Variants in FBXL18 observed in about 807,000 individuals in gnomAD.
FBXL18 encodes the protein F-box/LRR-repeat protein 18.
In FBXL18, 36 loss-of-function variants were observed where a neutral mutation model predicts 46.0. The observed-to-expected ratio is 0.78, with a 90% CI of 0.60 to 1.03. The LOEUF (loss-of-function observed/expected upper bound fraction) is 1.03, where lower values mean the gene tolerates loss of function less well. FBXL18 is among the 50% of genes least tolerant of loss of function. The pLI is 0.00. For missense variants in FBXL18, 977 were observed against 1,004.1 expected, an observed-to-expected ratio of 0.97 and a Z score of 0.36; for synonymous variants, 557 against 465.3, an observed-to-expected ratio of 1.20 and a Z score of -2.54.
intron 4 of FBXL18, among the ~76,000 whole-genome samples, chr7:5,458,700 A>C (rs1473027210): frequency 1.4e-5 from 2 of 147,492 alleles, no homozygotes; most frequent in African/African-American, 5.0e-5. Flanking sequence ...CCGTCCCCCA[A>C]AAAAAAAAAA....
chr7:5,466,346 C>A (rs1215140549), intron 4 of FBXL18, among the ~76,000 whole-genome samples: 1 of 152,122 alleles, frequency 6.6e-6, no homozygotes, highest in African/African-American at 2.4e-5. Context: ...AAGTGCAGGC[C>A]GTGCTCCTCC....
Position 5,481,303 on chromosome 7 carries a change from G to C in FBXL18, c.*472C>G, listed in dbSNP as rs369591063. On this transcript the variant is annotated 3_prime_UTR_variant, in exon 5 of 5. Coordinates refer to ENST00000382368, the MANE Select transcript of FBXL18 (RefSeq NM_024963.6). ...CATGCAAGGGGACACTCAGATACAC[G>C]GTGACCAGCCCGGCCGACTGGACTT... The C allele has an allele frequency of 2.8e-3, 477 of 171,996 alleles. 2 individuals are homozygous for C. Among genetic ancestry groups the C allele is most frequent in the African/African-American group, 0.011 (453 of 41,666 alleles). The allele number at this position is 171,996 out of a possible 1,614,324, so 10.7% of individuals were successfully genotyped here.
intron 2 of FBXL18, among the ~76,000 whole-genome samples, chr7:5,505,043 G>A (rs1207427846): frequency 6.7e-6 from 1 of 150,350 alleles, no homozygotes; most frequent in Non-Finnish European, 1.5e-5. Context: ...GGTGCAAAAT[G>A]GTGCCCTCCC....
chr7:5,481,921 C>G lies in FBXL18; in HGVS notation c.2011G>C (p.Glu671Gln). ...QQSLLRSFQAERPALNVVIFP... is the reference protein window; with the variant it reads ...QQSLLRSFQAQRPALNVVIFP... ...ATGACGACGTTTAACGCGGGCCGCTCGGCCTGGAAGCTGAACCAGAGACAG... is the reference window on the plus strand; with the variant it reads ...ATGACGACGTTTAACGCGGGCCGCTGGGCCTGGAAGCTGAACCAGAGACAG... The change falls in exon 5 of 5, where the codon GAG becomes CAG. Residue 671 changes from glutamate to glutamine, a missense_variant. Glu to Gln is a conservative substitution (Grantham distance 29). Coordinates refer to ENST00000382368, the MANE Select transcript of FBXL18 (RefSeq NM_024963.6). The G allele has an allele frequency of 6.2e-7, 1 of 1,605,892 alleles. No homozygotes were observed. The highest frequency in any genetic ancestry group is 2.2e-5 in the East Asian group (1 of 44,758).
rs530317475 is a variant in FBXL18 at position 5,486,898 on chromosome 7, C to T, written c.2000+4333G>A. On this transcript the variant is annotated intron_variant, in intron 4 of 4. Transcript: ENST00000382368. ...GGGTGAGCCGCACAACAGCCCGGGG[C>T]CAGGTCCTCCCTCTGGCTCCATAAA... Among the ~76,000 whole-genome samples, 14 of 152,320 alleles carry T rather than the reference C, an allele frequency of 9.2e-5. No homozygotes were observed. The South Asian group carries it at 2.9e-3, about 32-fold the overall frequency.
rs753814477 is a variant in FBXL18, at chr7:5,500,574, C to A, written c.1695G>T (p.Leu565=). Residue 565 remains leucine (L), a synonymous_variant, in exon 3 of 5, where the codon CTG becomes CTT. Transcript: ENST00000382368. The stretch of plus-strand genomic sequence containing the variant: ...CCTTCCCCATCATGCCCAGGTTGGC[C>A]AGCGACAGGGACCGCAACTGCTGGC... The part of the protein sequence containing the change: ...LQCQQLRSLS[L]ANLGMMGKVV... 23 of 1,613,572 alleles carry A rather than the reference C, an allele frequency of 1.4e-5. No individual in the cohort carries two copies. Among genetic ancestry groups the A allele is most frequent in the Non-Finnish European group, 1.9e-5 (23 of 1,179,900 alleles).
At chr7:5,459,713 C>G (rs1387350190) in intron 4 of FBXL18, among the ~76,000 whole-genome samples, 2 of 149,718 alleles carry the variant, frequency 1.3e-5, no homozygotes, top group Non-Finnish European at 3.0e-5. Flanking sequence ...GCACTCCAGC[C>G]TGGGCAACAG....
rs1322345253 is a variant in FBXL18 at position 5,501,926 on chromosome 7, C to T, written c.343G>A (p.Val115Met). 3 of 1,603,350 alleles carry T rather than the reference C, an allele frequency of 1.9e-6. No individual in the cohort carries two copies. Among genetic ancestry groups the T allele is most frequent in the South Asian group, 1.1e-5 (1 of 89,126 alleles). The change falls in exon 3 of 5, where the codon GTG (valine) becomes ATG (methionine). Residue 115 changes from valine (V) to methionine (M), a missense_variant. By Grantham distance (21) the Val-to-Met change is conservative. Coordinates refer to ENST00000382368, the MANE Select transcript of FBXL18 (RefSeq NM_024963.6). ...TTCACCAGGCTGCGGCAGCGGGCCA[C>T]GTGTTCCACGGTGGAGCCAGGCAGC... is the stretch of plus-strand genomic sequence containing the variant. ...YWLPGSTVEHVARCRSLVKVN... is the reference protein window; with the variant it reads ...YWLPGSTVEHMARCRSLVKVN...
rs1402780436 is a variant in FBXL18 at position 5,500,863 on chromosome 7, G to A, written c.1406C>T (p.Pro469Leu). Residue 469 changes from proline to leucine, a missense_variant, in exon 3 of 5, where the codon CCC (proline) becomes CTC (leucine). Pro to Leu is a moderately conservative substitution (Grantham distance 98). Coordinates refer to ENST00000382368, the MANE Select transcript of FBXL18 (RefSeq NM_024963.6). ...AGACCAGAACACGGAGGAGGGCTGG[G>A]GGCACGCCTGGCCCGAGAAGGGGCT... ...CPSPFSGQACPQPSSVFWSLL... is the reference protein window; with the variant it reads ...CPSPFSGQACLQPSSVFWSLL... 6.2e-7 allele frequency: 1 copy of A among 1,603,576 alleles called. No individual in the cohort carries two copies. Among genetic ancestry groups the A allele is most frequent in the East Asian group, 2.2e-5 (1 of 44,674 alleles).
chr7:5,472,283 AG>A (rs1350023611), downstream of FBXL18, among the ~76,000 whole-genome samples: 3 of 152,068 alleles, frequency 2.0e-5, no homozygotes, highest in Admixed American at 6.6e-5. Context: ...CCACCCCAAG[AG>A]GTCTTCTGCA....
At chr7:5,492,952 C>T (rs1055037190) in intron 3 of FBXL18, among the ~76,000 whole-genome samples, 7 of 152,154 alleles carry the variant, frequency 4.6e-5, no homozygotes, top group African/African-American at 1.7e-4. Context: ...ATTGTCCTGG[C>T]AGCCCCAGGA....
chr7:5,509,397 TA>T (rs1784472256), intron 1 of FBXL18, among the ~76,000 whole-genome samples: 1 of 151,926 alleles, frequency 6.6e-6, no homozygotes, highest in African/African-American at 2.4e-5. Flanking sequence ...GTGCTCCAAA[TA>T]AAACAGAAAT....
intron 4 of FBXL18, among the ~76,000 whole-genome samples, chr7:5,487,441 G>GAC (rs2128234991): frequency 6.6e-6 from 1 of 152,300 alleles, no homozygotes; most frequent in East Asian, 1.9e-4. Context: ...AGAAGATCCT[G>GAC]ACACAGCCTG....
chr7:5,505,440 T>A lies in FBXL18; in HGVS notation c.209A>T (p.His70Leu). The change falls in exon 2 of 5, where the codon CAC (histidine) becomes CTC (leucine). Residue 70 changes from histidine to leucine, a missense_variant. Physicochemically the swap from His to Leu is moderately conservative, Grantham distance 99 (BLOSUM62 -3). Transcript: ENST00000382368. Reference sequence around the variant, plus strand: ...ATAGTCCTTTTGCAGCAACACGGTGTGGATGAGGCTCTTGTCAAGGCACAG... The same window carrying A: ...ATAGTCCTTTTGCAGCAACACGGTGAGGATGAGGCTCTTGTCAAGGCACAG... Reference protein sequence around the residue: ...AALCLDKSLIHTVLLQKDYQA... With the variant: ...AALCLDKSLILTVLLQKDYQA... 6.2e-7 allele frequency: 1 copy of A among 1,614,146 alleles called. No homozygotes were observed. Among genetic ancestry groups the A allele is most frequent in the African/African-American group, 1.3e-5 (1 of 75,042 alleles).
Position 5,501,683 on chromosome 7 carries a change from T to G in FBXL18, c.586A>C (p.Lys196Gln). The change falls in exon 3 of 5, where the codon AAG becomes CAG. Residue 196 changes from lysine (K) to glutamine (Q), a missense_variant. Lys to Gln is a moderately conservative substitution (Grantham distance 53). Transcript: ENST00000382368. ...GVVPCCTSLE[K>Q]LLLYFEILDR... The stretch of plus-strand genomic sequence containing the variant: ...AGAATCTCGAAGTAGAGCAGCAGCT[T>G]CTCTAGGCTGGTGCAGCAGGGCACC... 2 of 1,606,814 alleles carry G rather than the reference T, an allele frequency of 1.2e-6. No homozygotes were observed. The highest frequency in any genetic ancestry group is 1.7e-6 in the Non-Finnish European group (2 of 1,176,160).
Position 5,476,259 on chromosome 7 carries a change from G to T in FBXL18, c.*5516C>A. The T allele has an allele frequency of 6.6e-6, 1 of 150,518 alleles. No homozygotes were observed. The highest frequency in any genetic ancestry group is 6.6e-5 in the Admixed American group (1 of 15,252). The allele number at this position is 150,518 out of a possible 1,614,324, so 9.3% of individuals were successfully genotyped here. A position where few individuals can be genotyped will look rare whatever the true frequency, so the allele number is the denominator to read the frequency against. The stretch of plus-strand genomic sequence containing the variant: ...CACTCCCCACCCTCCCTCCACCCCA[G>T]ACACATCAGCACAGCGGTCCAGGCT... On this transcript the variant is annotated 3_prime_UTR_variant, in exon 5 of 5. Coordinates refer to ENST00000382368, the MANE Select transcript of FBXL18 (RefSeq NM_024963.6).
rs948633507 is a variant in FBXL18 at position 5,478,563 on chromosome 7, G to A, written c.*3212C>T. ...AGGTGTGGGGTGAGCTGGGAGCACA[G>A]GCAGGAGGGGGCAGCCAGAGAGGTT... On this transcript the variant is annotated 3_prime_UTR_variant, in exon 5 of 5. Coordinates refer to ENST00000382368, the MANE Select transcript of FBXL18 (RefSeq NM_024963.6). 3 of 152,444 alleles carry A rather than the reference G, an allele frequency of 2.0e-5. No homozygotes were observed. The allele number at this position is 152,444 out of a possible 1,614,324, so 9.4% of individuals were successfully genotyped here.
chr7:5,513,778 AC>A lies in FBXL18; in HGVS notation c.-105del. On this transcript the variant is annotated 5_prime_UTR_variant, in exon 1 of 5. Coordinates refer to ENST00000382368, the MANE Select transcript of FBXL18 (RefSeq NM_024963.6). ...CCGGCGCGTCCACCGCTCAACCGAG[AC>A]CCCGGCAAGGAGCGGGCTCTCGTCA... 1.4e-6 allele frequency: 2 copies of A among 1,475,844 alleles called. No individual in the cohort carries two copies. The highest frequency in any genetic ancestry group is 2.1e-5 in the Admixed American group (1 of 47,062). 91.4% of individuals were successfully genotyped at this position (1,475,844 alleles called of 1,614,324 possible). A position where few individuals can be genotyped will look rare whatever the true frequency, so the allele number is the denominator to read the frequency against.
chr7:5,484,697 C>T (rs371430843), intron 4 of FBXL18, among the ~76,000 whole-genome samples: 2 of 147,676 alleles, frequency 1.4e-5, no homozygotes, highest in Non-Finnish European at 3.0e-5. Flanking sequence ...GGAGTGCAAT[C>T]GCGTGATCTT....
Sources: gnomAD v4.1 joint callset for allele counts (sites outside exome capture counted in the v4.1 genomes callset) on GRCh38, gnomAD v4.1.1 for gene constraint, MANE v1.5 for transcripts, NCBI Gene and HGNC (gene_info 2026-07-23, HGNC 2026-07-21) for gene names.